CADPS: variants seen among roughly 807,000 people sequenced by gnomAD.
CADPS encodes the protein calcium-dependent secretion activator 1.
In CADPS, 57 loss-of-function variants were observed where a neutral mutation model predicts 167.3. That is an observed-to-expected ratio of 0.34 (90% CI 0.28 to 0.42). CADPS has a LOEUF of 0.42. Among genes scored for constraint, CADPS ranks in the 20% least tolerant of loss-of-function variants. The pLI, the probability that CADPS is intolerant of heterozygous loss-of-function variation, is 1.00. For synonymous variants in CADPS, 676 were observed against 635.3 expected, an observed-to-expected ratio of 1.06 and a Z score of -0.96; for missense variants, 1,414 against 1,738.1, an observed-to-expected ratio of 0.81 and a Z score of 3.32.
chr3:62,804,420 G>A (rs1024995623), intron 1 of CADPS, among the ~76,000 whole-genome samples: 5 of 152,120 alleles, frequency 3.3e-5, no homozygotes, highest in African/African-American at 1.2e-4. Context: ...GCTGAGTTGG[G>A]TGAGAGGGGT....
chr3:62,703,872 ACTTAT>A (rs2081876106), intron 3 of CADPS, among the ~76,000 whole-genome samples: 1 of 152,134 alleles, frequency 6.6e-6, no homozygotes, highest in African/African-American at 2.4e-5. Flanking sequence ...AATCCAGTTG[ACTTAT>A]CTTCATAGCA....
intron 11 of CADPS, among the ~76,000 whole-genome samples, chr3:62,545,136 T>C (rs1012962656): frequency 6.6e-6 from 1 of 152,122 alleles, no homozygotes; most frequent in South Asian, 2.1e-4. Flanking sequence ...TATGATGTGA[T>C]TAACAGTTAT....
Position 62,455,105 on chromosome 3 carries a change from A to G in CADPS, c.3637-9308T>C, listed in dbSNP as rs1419902173. The stretch of plus-strand genomic sequence containing the variant: ...ACTGTGCTCCGAGACTAGATCCAGG[A>G]AGTGTATGTTCTCATCTCCCCCCAC... On this transcript the variant is annotated intron_variant, in intron 26 of 29. Coordinates refer to ENST00000383710, the MANE Select transcript of CADPS (RefSeq NM_003716.4). This position sits in a 1 kb window ranked among gnomAD's most constrained non-coding sequence, Gnocchi z 4.4. 6.7e-6 allele frequency among the ~76,000 whole-genome samples: 1 copy of G among 150,168 alleles called. No homozygotes were observed. The highest frequency in any genetic ancestry group is 2.4e-5 in the African/African-American group (1 of 40,968).
In CADPS at chr3:62,458,856, T is replaced by A. The variant is rs1218992858; in HGVS notation, c.3636+6511A>T. Among the ~76,000 whole-genome samples the A allele has an allele frequency of 6.6e-6, 1 of 152,234 alleles. No homozygotes were observed. Among genetic ancestry groups the A allele is most frequent in the African/African-American group, 2.4e-5 (1 of 41,460 alleles). ...TCTGGAGAAAATACTGTGTGTGTCT[T>A]ATGTTTGCTTTGAATGATATTCAGC... On this transcript the variant is annotated intron_variant, in intron 26 of 29. Coordinates refer to ENST00000383710, the MANE Select transcript of CADPS (RefSeq NM_003716.4). This position sits in a 1 kb window ranked among gnomAD's most constrained non-coding sequence, Gnocchi z 4.6.
intron 26 of CADPS, among the ~76,000 whole-genome samples, chr3:62,461,793 A>G (rs961103559): frequency 5.3e-5 from 8 of 152,246 alleles, no homozygotes; most frequent in Middle Eastern, 3.4e-3. Flanking sequence ...TCCTGTGGAA[A>G]TGCTTCTCCC....
At chr3:62,473,142 C>A (rs1055524831) in intron 24 of CADPS, among the ~76,000 whole-genome samples, 1 of 150,550 alleles carries the variant, frequency 6.6e-6, no homozygotes, top group Non-Finnish European at 1.5e-5. Flanking sequence ...CCAAGGGCAC[C>A]CTGAATTTGA....
intron 28 of CADPS, among the ~76,000 whole-genome samples, chr3:62,413,359 G>A (rs2049349035): frequency 6.6e-6 from 1 of 152,112 alleles, no homozygotes. Flanking sequence ...ATAGCTGGAA[G>A]GTAGAAGCAA....
rs1409544073 is a variant in CADPS, at chr3:62,478,171, C to T, written c.3329+90G>A. ...CCCTTCTCCAATTAGTTTCAAACTA[C>T]AGCCAATTGAAAGAGCAGCCATCTA... On this transcript the variant is annotated intron_variant, in intron 23 of 29. Coordinates refer to ENST00000383710, the MANE Select transcript of CADPS (RefSeq NM_003716.4). This position sits in a 1 kb window ranked among gnomAD's most constrained non-coding sequence, Gnocchi z 5.7. 1.1e-5 allele frequency: 16 copies of T among 1,395,426 alleles called. No individual in the cohort carries two copies. The East Asian group carries it at 1.2e-4, about 10-fold the overall frequency. The allele number at this position is 1,395,426 out of a possible 1,614,324, so 86.4% of individuals were successfully genotyped here.
rs1276987916 is a variant in CADPS, at chr3:62,412,069, A to G, written c.3778-8884T>C. 6.6e-6 allele frequency among the ~76,000 whole-genome samples: 1 copy of G among 152,096 alleles called. No homozygotes were observed. Among genetic ancestry groups the G allele is most frequent in the Non-Finnish European group, 1.5e-5 (1 of 68,016 alleles). ...AATCAGACACCGAAGCTCTAAACAG[A>G]CACCAAAATCAGAGGGTACAGATAA... On this transcript the variant is annotated intron_variant, in intron 28 of 29. Transcript: ENST00000383710. This position sits in a 1 kb window ranked among gnomAD's most constrained non-coding sequence, Gnocchi z 4.1.
intron 3 of CADPS, among the ~76,000 whole-genome samples, chr3:62,689,599 T>TA (rs1357322834): frequency 1.3e-5 from 2 of 152,060 alleles, no homozygotes; most frequent in African/African-American, 4.8e-5. Flanking sequence ...TTGTAGGGCA[T>TA]AAAAAATTAG....
At chr3:62,836,154 G>C (rs1342004855) in intron 1 of CADPS, among the ~76,000 whole-genome samples, 1 of 152,180 alleles carries the variant, frequency 6.6e-6, no homozygotes, top group Non-Finnish European at 1.5e-5. Context: ...GAGCCCCTGA[G>C]TGAATCCGAC....
intron 3 of CADPS, among the ~76,000 whole-genome samples, chr3:62,695,978 TTAAA>T (rs139989906): frequency 0.012 from 1,898 of 152,236 alleles, 39 homozygotes; most frequent in African/African-American, 0.043. Flanking sequence ...CGTATACACG[TTAAA>T]TAAATTTGTA....
At chr3:62,825,020 AT>A (rs1270476758) in intron 1 of CADPS, among the ~76,000 whole-genome samples, 1 of 152,148 alleles carries the variant, frequency 6.6e-6, no homozygotes, top group Non-Finnish European at 1.5e-5. Context: ...AATTTGCTTT[AT>A]TTTGTAAAAG....
At chr3:62,479,165 A>G (rs2061660626) in intron 22 of CADPS, among the ~76,000 whole-genome samples, 1 of 152,212 alleles carries the variant, frequency 6.6e-6, no homozygotes, top group Admixed American at 6.5e-5. Flanking sequence ...CCATTGCACC[A>G]TCTTACCCAG....
intron 1 of CADPS, among the ~76,000 whole-genome samples, chr3:62,812,666 A>C (rs2094442006): frequency 6.6e-6 from 1 of 152,190 alleles, no homozygotes; most frequent in Admixed American, 6.6e-5. Context: ...TCATAGGAGC[A>C]ATTAAATGGT....
At chr3:62,672,001 C>T (rs1346247635) in intron 3 of CADPS, among the ~76,000 whole-genome samples, 2 of 152,006 alleles carry the variant, frequency 1.3e-5, no homozygotes, top group South Asian at 2.1e-4. Context: ...CGGATGGTCT[C>T]GATCTCTTGA....
intron 1 of CADPS, among the ~76,000 whole-genome samples, chr3:62,802,324 G>T (rs896382864): frequency 2.6e-5 from 4 of 152,122 alleles, no homozygotes; most frequent in African/African-American, 7.2e-5. Flanking sequence ...AAACCAGCTT[G>T]TCTGCTGGCT....
chr3:62,452,524 A>G (rs2058198845), intron 26 of CADPS, among the ~76,000 whole-genome samples: 1 of 152,124 alleles, frequency 6.6e-6, no homozygotes, highest in African/African-American at 2.4e-5. Flanking sequence ...AATATAGGTT[A>G]TTGCATTTTT....
At chr3:62,536,352 T>C (rs1050095120) in intron 12 of CADPS, 93 bp downstream of exon 12, 10 of 1,100,098 alleles carry the variant, frequency 9.1e-6, no homozygotes, top group African/African-American at 8.0e-5. Context: ...GATTCTGTAA[T>C]GGAGAAAAGA....
Sources: gnomAD v4.1 joint callset for allele counts (sites outside exome capture counted in the v4.1 genomes callset) on GRCh38, gnomAD v4.1.1 for gene constraint, Gnocchi (gnomAD v3.1) non-coding constraint, MANE v1.5 for transcripts, NCBI Gene and HGNC (gene_info 2026-07-23, HGNC 2026-07-21) for gene names.